The following BRINP3 variants were observed in gnomAD, a reference collection of about 807,000 sequenced individuals.
BRINP3 encodes the protein BMP/retinoic acid inducible neural specific 3, also known as BMP/retinoic acid-inducible neural-specific protein 3.
BRINP3 carries 19 observed loss-of-function variants against 71.0 expected under a neutral mutation model. The ratio of observed to expected loss-of-function variants is 0.27; its 90% CI spans 0.19 to 0.39. The LOEUF is 0.39. BRINP3 is among the 10% of genes least tolerant of loss of function. The pLI is 1.00. For missense variants in BRINP3, 959 were observed against 940.8 expected (o/e 1.02, Z -0.25); for synonymous variants, 380 against 337.7 (o/e 1.13, Z -1.37).
chr1:190,112,283 G>A (rs1652761507), intron 7 of BRINP3, among the ~76,000 whole-genome samples: 1 of 152,150 alleles, frequency 6.6e-6, no homozygotes, highest in Admixed American at 6.6e-5. Flanking sequence ...TGTGTTTTCA[G>A]CCTCAGCAAT....
At chr1:190,333,080 A>C (rs978147831) in intron 2 of BRINP3, among the ~76,000 whole-genome samples, 2 of 151,970 alleles carry the variant, frequency 1.3e-5, no homozygotes, top group Non-Finnish European at 2.9e-5. Flanking sequence ...AGTACTACCA[A>C]CATTTTTGGA....
chr1:190,302,334 A>G (rs1664797388), intron 2 of BRINP3, among the ~76,000 whole-genome samples: 1 of 149,424 alleles, frequency 6.7e-6, no homozygotes, highest in Non-Finnish European at 1.5e-5. Context: ...ACACACCTCT[A>G]TAACTCTAAA....
chr1:190,411,942 G>T (rs549345903), intron 2 of BRINP3, among the ~76,000 whole-genome samples: 8 of 152,186 alleles, frequency 5.3e-5, no homozygotes, highest in Non-Finnish European at 1.0e-4. Flanking sequence ...AAAAATCGAC[G>T]ACTGAAATTC....
chr1:190,291,495 G>A (rs1571649680), intron 2 of BRINP3, among the ~76,000 whole-genome samples: 2 of 151,788 alleles, frequency 1.3e-5, no homozygotes, highest in Non-Finnish European at 2.9e-5. Flanking sequence ...ATGAAAGAAG[G>A]ACCTGAATAG....
At chr1:190,147,319 C>T (rs1306207155) in intron 7 of BRINP3, among the ~76,000 whole-genome samples, 1 of 151,932 alleles carries the variant, frequency 6.6e-6, no homozygotes, top group African/African-American at 2.4e-5. Context: ...TAATAGAAGA[C>T]GATCTTTTCT....
chr1:190,204,342 A>G (rs1025510499), intron 6 of BRINP3, among the ~76,000 whole-genome samples: 10 of 152,000 alleles, frequency 6.6e-5, no homozygotes, highest in African/African-American at 2.4e-4. Context: ...ACGCAGAAAT[A>G]TTAAATTATA....
intron 7 of BRINP3, among the ~76,000 whole-genome samples, chr1:190,146,059 T>A (rs962283584): frequency 1.3e-5 from 2 of 151,832 alleles, no homozygotes; most frequent in African/African-American, 4.8e-5. Context: ...GGAGGGAAAG[T>A]TAAAAGGGGA....
chr1:190,454,696 G>T lies in BRINP3; in HGVS notation c.195C>A (p.Asp65Glu), dbSNP rs1206147803. ...TTGTGCTAAATCCCTGCCGGCTTCTGTCCACAAAATCTGTGTATTCCTGTG... is the reference window on the plus strand; with the variant it reads ...TTGTGCTAAATCCCTGCCGGCTTCTTTCCACAAAATCTGTGTATTCCTGTG... ...HRSQEYTDFV[D>E]RSRQGFSTRY... Residue 65 changes from aspartate to glutamate, a missense_variant, in exon 2 of 8, where the codon GAC (aspartate) becomes GAA (glutamate). Coordinates refer to ENST00000367462, the MANE Select transcript of BRINP3 (RefSeq NM_199051.3). 1 of 1,614,000 alleles carries T rather than the reference G, an allele frequency of 6.2e-7. No homozygotes were observed. The highest frequency in any genetic ancestry group is 1.7e-5 in the Admixed American group (1 of 60,014).
At chr1:190,282,407 A>C (rs1221139375) in intron 2 of BRINP3, among the ~76,000 whole-genome samples, 1 of 151,982 alleles carries the variant, frequency 6.6e-6, no homozygotes, top group Non-Finnish European at 1.5e-5. Flanking sequence ...TAAAGAATGT[A>C]TACATTTACA....
At chr1:190,357,422 T>C in intron 2 of BRINP3, among the ~76,000 whole-genome samples, 1 of 152,126 alleles carries the variant, frequency 6.6e-6, no homozygotes, top group African/African-American at 2.4e-5. Context: ...ATAGAAAATT[T>C]TGATTATTAT....
At chr1:190,256,156 T>G (rs111283902) in intron 4 of BRINP3, among the ~76,000 whole-genome samples, 2,727 of 152,320 alleles carry the variant, frequency 0.018, 78 homozygotes, top group African/African-American at 0.062. Flanking sequence ...TTTCTGTTCT[T>G]TTCCATTTGC....
At chr1:190,235,660 CTTG>C (rs1274532651) in intron 4 of BRINP3, among the ~76,000 whole-genome samples, 4 of 151,852 alleles carry the variant, frequency 2.6e-5, no homozygotes, top group African/African-American at 4.8e-5. Flanking sequence ...GGGTATTTGA[CTTG>C]TTGTTCTAGT....
At position 190,226,187 on chromosome 1, in the gene BRINP3, A is replaced by C. The variant is rs1357198373; in HGVS notation, c.856T>G (p.Phe286Val). ...NDCWCHCGPK[F>V]PECNCPSMDI... ...ATGGAGGGGCAGTTGCATTCTGGAA[A>C]TTTGGGACCACAGTGACACCAGCAG... Residue 286 changes from phenylalanine to valine, a missense_variant, in exon 6 of 8, where the codon TTT (phenylalanine) becomes GTT (valine). Coordinates refer to ENST00000367462, the MANE Select transcript of BRINP3 (RefSeq NM_199051.3). 2 of 1,612,650 alleles carry C rather than the reference A, an allele frequency of 1.2e-6. No individual in the cohort carries two copies. Among genetic ancestry groups the C allele is most frequent in the African/African-American group, 2.7e-5 (2 of 74,820 alleles).
At chr1:190,468,098 C>T (rs1676880444) in intron 1 of BRINP3, among the ~76,000 whole-genome samples, 1 of 151,226 alleles carries the variant, frequency 6.6e-6, no homozygotes, top group South Asian at 2.1e-4. Context: ...GTAATAAATA[C>T]ATTTTAATTA....
chr1:190,455,358 C>T (rs1675914367), intron 1 of BRINP3, among the ~76,000 whole-genome samples: 1 of 151,914 alleles, frequency 6.6e-6, no homozygotes, highest in South Asian at 2.1e-4. Flanking sequence ...TAAATAAATG[C>T]TTTAAATGAA....
chr1:190,436,421 G>C (rs1353986743), intron 2 of BRINP3, among the ~76,000 whole-genome samples: 1 of 151,506 alleles, frequency 6.6e-6, no homozygotes, highest in Non-Finnish European at 1.5e-5. Context: ...TCTTAGAAAA[G>C]GACAATCATC....
chr1:190,226,387 A>G, intron 5 of BRINP3, 69 bp from the exon 6 acceptor site: 1 of 837,352 alleles, frequency 1.2e-6, no homozygotes, highest in Non-Finnish European at 1.8e-6. Flanking sequence ...CTTATTTATA[A>G]TATTCAATCA....
intron 7 of BRINP3, among the ~76,000 whole-genome samples, chr1:190,113,914 AT>A (rs1381769846): frequency 6.6e-6 from 1 of 152,140 alleles, no homozygotes; most frequent in Non-Finnish European, 1.5e-5. Flanking sequence ...ATATCTTTAA[AT>A]TTCTTTCCAG....
intron 2 of BRINP3, among the ~76,000 whole-genome samples, chr1:190,319,757 C>T (rs1184730398): frequency 6.6e-6 from 1 of 152,034 alleles, no homozygotes; most frequent in Non-Finnish European, 1.5e-5. Context: ...TGAGAAACTA[C>T]CCCCTTGATC....
Sources: gnomAD v4.1 joint callset for allele counts (sites outside exome capture counted in the v4.1 genomes callset) on GRCh38, gnomAD v4.1.1 for gene constraint, MANE v1.5 for transcripts, NCBI Gene and HGNC (gene_info 2026-07-23, HGNC 2026-07-21) for gene names.